Variants in ABCC6 observed in about 807,000 individuals in gnomAD.
The protein encoded by ABCC6 is ATP binding cassette subfamily C member 6, also known as ATP-binding cassette sub-family C member 6.
Under a neutral mutation model 169.5 loss-of-function variants are expected in ABCC6, and 126 were observed. The observed-to-expected ratio is 0.74, with a 90% CI of 0.64 to 0.86. ABCC6 has a LOEUF of 0.86. ABCC6 is among the 40% of genes least tolerant of loss of function. The pLI is 0.00. For synonymous variants in ABCC6, 752 were observed against 814.7 expected, an observed-to-expected ratio of 0.92 and a Z score of 1.31; for missense variants, 1,733 against 1,927.2, an observed-to-expected ratio of 0.90 and a Z score of 1.89.
At chr16:16,150,874 G>T in intron 29 of ABCC6, 102 bp from the exon 30 acceptor site, 1 of 1,539,646 alleles carries the variant, frequency 6.5e-7, no homozygotes, top group South Asian at 1.2e-5. Context: ...CAGGAGTGAG[G>T]TGCCTGTGTT....
At chr16:16,195,593 G>C (rs1362302317) in intron 10 of ABCC6, among the ~76,000 whole-genome samples, 1 of 152,080 alleles carries the variant, frequency 6.6e-6, no homozygotes, top group Non-Finnish European at 1.5e-5. Context: ...GATTACAGGC[G>C]TGAGCCACCG....
Position 16,168,037 on chromosome 16 carries a change from G to C in ABCC6, c.2995+1609C>G, listed in dbSNP as rs78707183. Reference sequence around the variant, plus strand: ...TCCACTGTACATGCAGTTGTGGTGAGTAGGTGTACAGGTTCTTAGGACTAG... The same window carrying C: ...TCCACTGTACATGCAGTTGTGGTGACTAGGTGTACAGGTTCTTAGGACTAG... On this transcript the variant is annotated intron_variant, in intron 22 of 30. Coordinates refer to ENST00000205557, the MANE Select transcript of ABCC6 (RefSeq NM_001171.6). 9.1e-3 allele frequency among the ~76,000 whole-genome samples: 1,391 copies of C among 152,356 alleles called. 10 individuals carry two copies. Among genetic ancestry groups the C allele is most frequent in the South Asian group, 0.036 (174 of 4,832 alleles).
At chr16:16,157,838 G>T (rs2046600993) in intron 26 of ABCC6, 29 bp from the exon 27 acceptor site, 1 of 1,601,796 alleles carries the variant, frequency 6.2e-7, no homozygotes, top group African/African-American at 1.3e-5. Flanking sequence ...CTGAGTCAGA[G>T]GAGCCTTCCT....
intron 4 of ABCC6, among the ~76,000 whole-genome samples, chr16:16,215,689 G>T (rs1351372252): frequency 1.3e-5 from 2 of 151,876 alleles, no homozygotes; most frequent in Non-Finnish European, 2.9e-5. Flanking sequence ...GGCCAGGCTG[G>T]TCTTGAACTC....
chr16:16,154,918 G>T lies in ABCC6; in HGVS notation c.3996C>A (p.His1332Gln), dbSNP rs60320257. 3 of 1,608,868 alleles carry T rather than the reference G, an allele frequency of 1.9e-6. No individual in the cohort carries two copies. The highest frequency in any genetic ancestry group is 1.7e-5 in the Admixed American group (1 of 59,350). Residue 1332 changes from histidine to glutamine, a missense_variant, in exon 28 of 31, where the codon CAC becomes CAA. By Grantham distance (24) the His-to-Gln change is conservative. Coordinates refer to ENST00000205557, the MANE Select transcript of ABCC6 (RefSeq NM_001171.6). ...GIWIDGVPIA[H>Q]VGLHTLRSRI... ...TGGAGCGCAGTGTGTGCAGCCCCAC[G>T]TGGGCAATGGGGACCCCGTCGATCC...
intron 22 of ABCC6, among the ~76,000 whole-genome samples, chr16:16,167,394 C>T (rs11863504): frequency 0.2 from 30,962 of 152,102 alleles, 3,938 homozygotes; most frequent in African/African-American, 0.36. Context: ...TCCAGCCATA[C>T]CTGAAGCCAG....
At position 16,150,455 on chromosome 16, in the gene ABCC6, G is replaced by T; in HGVS notation, c.4403+123C>A. ...GCATGTGTTCCCGGGCATTCCTCCC[G>T]CTCTGGCCCCATTCAGGACCCCTCC... On this transcript the variant is annotated intron_variant, in intron 30 of 30. Coordinates refer to ENST00000205557, the MANE Select transcript of ABCC6 (RefSeq NM_001171.6). 2.0e-6 allele frequency: 3 copies of T among 1,500,566 alleles called. No homozygotes were observed. In the East Asian group the frequency reaches 7.4e-5, roughly 37 times the overall value. 93.0% of individuals were successfully genotyped at this position (1,500,566 alleles called of 1,614,324 possible).
At position 16,151,615 on chromosome 16, in the gene ABCC6, G is replaced by C. The variant is rs62030280; in HGVS notation, c.4209-843C>G. Among the ~76,000 whole-genome samples, 1,502 of 152,274 alleles carry C rather than the reference G, an allele frequency of 9.9e-3. 15 individuals are homozygous for C. Among genetic ancestry groups the C allele is most frequent in the Non-Finnish European group, 0.016 (1,076 of 68,020 alleles). On this transcript the variant is annotated intron_variant, in intron 29 of 30. Coordinates refer to ENST00000205557, the MANE Select transcript of ABCC6 (RefSeq NM_001171.6). ...ATTCCAGGCGTGATCCACCGTGCCTGGCCTGTTTATGGCTATGTCCAGTTC... is the reference window on the plus strand; with the variant it reads ...ATTCCAGGCGTGATCCACCGTGCCTCGCCTGTTTATGGCTATGTCCAGTTC...
At chr16:16,192,965 C>G (rs777817694) in intron 10 of ABCC6, 43 bp from the exon 11 acceptor site, 1 of 1,565,282 alleles carries the variant, frequency 6.4e-7, no homozygotes, top group Non-Finnish European at 8.8e-7. Context: ...CCCGAGGAGC[C>G]CAGCTCTCAG....
At chr16:16,200,858 C>G (rs57401339) in intron 9 of ABCC6, among the ~76,000 whole-genome samples, 51,621 of 147,108 alleles carry the variant, frequency 0.35, 9,947 homozygotes, top group Admixed American at 0.43. Flanking sequence ...GTCCCAGGAA[C>G]GGACAAGAGC....
chr16:16,162,933 G>T (rs2046765503), intron 24 of ABCC6, 60 bp downstream of exon 24: 2 of 1,604,866 alleles, frequency 1.2e-6, no homozygotes, highest in East Asian at 2.2e-5. Flanking sequence ...ATGACCTCAG[G>T]TCTCACCCTC....
intron 24 of ABCC6, among the ~76,000 whole-genome samples, chr16:16,161,897 C>CTCA (rs1328004306): frequency 1.3e-5 from 2 of 152,114 alleles, no homozygotes; most frequent in Non-Finnish European, 2.9e-5. Context: ...CCACCCAAAT[C>CTCA]TCATCTCAAA....
chr16:16,165,820 C>T lies in ABCC6; in HGVS notation c.3109G>A (p.Glu1037Lys), dbSNP rs754074990. ...AGCAGGTGACCAATGGGTGTCCGCT[C>T]AAAGAAGCTGATGGGAGATCGCACC... ...DVVRSPISFFERTPIGHLLNR... is the reference protein window; with the variant it reads ...DVVRSPISFFKRTPIGHLLNR... The change falls in exon 23 of 31, where the codon GAG becomes AAG. Residue 1037 changes from glutamate to lysine, a missense_variant. Physicochemically the swap from Glu to Lys is moderately conservative, Grantham distance 56. Coordinates refer to ENST00000205557, the MANE Select transcript of ABCC6 (RefSeq NM_001171.6). 1 of 1,613,558 alleles carries T rather than the reference C, an allele frequency of 6.2e-7. No homozygotes were observed. Among genetic ancestry groups the T allele is most frequent in the Non-Finnish European group, 8.5e-7 (1 of 1,180,032 alleles).
chr16:16,155,591 TC>T (rs769833263), intron 27 of ABCC6: 12 of 161,170 alleles, frequency 7.4e-5, no homozygotes, highest in Non-Finnish European at 1.6e-4. Flanking sequence ...AGTCCATCCT[TC>T]CCTCATCCAT....
In ABCC6 at chr16:16,150,710, A is replaced by G. The variant is rs63750295; in HGVS notation, c.4271T>C (p.Ile1424Thr). 1.2e-6 allele frequency: 2 copies of G among 1,613,984 alleles called. No individual in the cohort carries two copies. The highest frequency in any genetic ancestry group is 1.7e-6 in the Non-Finnish European group (2 of 1,180,004). ...CACGGCAGCAGTAGCCTCGTCCAGGATGAGGATCTGGGTCTTCCGGAGAAG... is the reference window on the plus strand; with the variant it reads ...CACGGCAGCAGTAGCCTCGTCCAGGGTGAGGATCTGGGTCTTCCGGAGAAG... ...RALLRKTQIL[I>T]LDEATAAVDP... The change falls in exon 30 of 31, where the codon ATC (isoleucine) becomes ACC (threonine). Residue 1424 changes from isoleucine to threonine, a missense_variant. Physicochemically the swap from Ile to Thr is moderately conservative, Grantham distance 89. This residue lies in a region of ABCC6 where 1,601 missense variants were observed against 1,635.5 expected (regional missense o/e 0.98). Transcript: ENST00000205557.
intron 26 of ABCC6, 84 bp downstream of exon 26, chr16:16,159,398 C>T (rs2046641260): frequency 3.9e-6 from 5 of 1,296,198 alleles, no homozygotes; most frequent in South Asian, 3.7e-5. Flanking sequence ...ACTCCAAAGC[C>T]TGTAGCAGAT....
rs1039166925 is a variant in ABCC6, at chr16:16,169,588, C to T, written c.2995+58G>A. 8 of 1,592,088 alleles carry T rather than the reference C, an allele frequency of 5.0e-6. No homozygotes were observed. The African/African-American group carries it at 8.1e-5, about 16-fold the overall frequency. On this transcript the variant is annotated intron_variant, in intron 22 of 30. Transcript: ENST00000205557. Reference sequence around the variant, plus strand: ...CAGGGAGGGGTGGGGTAAAGGAGTCCTGAGCACCCCTTGGTGCAGCTGGGA... The same window carrying T: ...CAGGGAGGGGTGGGGTAAAGGAGTCTTGAGCACCCCTTGGTGCAGCTGGGA...
chr16:16,165,466 ACC>A (rs1014605263), intron 23 of ABCC6, among the ~76,000 whole-genome samples, 155 bp downstream of exon 23: 8 of 152,282 alleles, frequency 5.3e-5, no homozygotes, highest in African/African-American at 1.7e-4. Flanking sequence ...TAGTGGAGAT[ACC>A]AGAAAGACTG....
At chr16:16,187,002 G>T in intron 14 of ABCC6, 122 bp downstream of exon 14, 1 of 813,678 alleles carries the variant, frequency 1.2e-6, no homozygotes, top group Non-Finnish European at 2.1e-6. Context: ...ATCTGCACGT[G>T]TCATCCATTG....
Sources: allele counts gnomAD v4.1 joint callset (sites outside exome capture counted in the v4.1 genomes callset), GRCh38; gene constraint gnomAD v4.1.1; regional missense constraint gnomAD v4.1.1; transcripts MANE v1.5; gene names NCBI Gene and HGNC (gene_info 2026-07-23, HGNC 2026-07-21).